CCDC50: variants seen among roughly 807,000 people sequenced by gnomAD.
CCDC50 encodes coiled-coil domain-containing protein 50.
In CCDC50, 54 loss-of-function variants were observed where a neutral mutation model predicts 70.2. That is an observed-to-expected ratio of 0.77 (90% CI 0.62 to 0.96). The LOEUF (loss-of-function observed/expected upper bound fraction) is 0.96. Ranked by LOEUF, CCDC50 falls within the 50% of genes least tolerant of loss-of-function variation. CCDC50 has a pLI of 0.00. For synonymous variants in CCDC50, 216 were observed against 198.8 expected, an observed-to-expected ratio of 1.09 and a Z score of -0.73; for missense variants, 558 against 578.7, an observed-to-expected ratio of 0.96 and a Z score of 0.37.
At chr3:191,369,154 T>G (rs975608337) in intron 4 of CCDC50, among the ~76,000 whole-genome samples, 2 of 152,182 alleles carry the variant, frequency 1.3e-5, no homozygotes, top group Admixed American at 1.3e-4. Context: ...CCTGTCGGAA[T>G]TCAGTTCTTT....
chr3:191,369,885 A>G (rs766502316), intron 4 of CCDC50, 34 bp from the exon 5 acceptor site: 18 of 1,457,990 alleles, frequency 1.2e-5, no homozygotes, highest in East Asian at 2.3e-5. Context: ...GTTCTTTGGT[A>G]ATGTGTATTT....
rs527892440 is a variant in CCDC50, at chr3:191,335,252, A to G, written c.49+5529A>G. Among the ~76,000 whole-genome samples the G allele has an allele frequency of 3.9e-5, 6 of 152,340 alleles. No homozygotes were observed. In the South Asian group the frequency reaches 1.0e-3, roughly 26 times the overall value. On this transcript the variant is annotated intron_variant, in intron 1 of 11. Coordinates refer to ENST00000392455, the MANE Select transcript of CCDC50 (RefSeq NM_178335.3). Reference sequence around the variant, plus strand: ...TCCCAGTTCTCCAAGGTACAGAAGCATATTTAGAAGTGAATTGCTTTGATC... The same window carrying G: ...TCCCAGTTCTCCAAGGTACAGAAGCGTATTTAGAAGTGAATTGCTTTGATC...
intron 1 of CCDC50, among the ~76,000 whole-genome samples, chr3:191,346,464 C>T (rs1389283950): frequency 6.6e-6 from 1 of 152,014 alleles, no homozygotes; most frequent in East Asian, 1.9e-4. Flanking sequence ...TCAGGGTATC[C>T]TATAGGGAGG....
intron 1 of CCDC50, among the ~76,000 whole-genome samples, chr3:191,334,550 G>A (rs1718082755): frequency 6.6e-6 from 1 of 152,152 alleles, no homozygotes; most frequent in African/African-American, 2.4e-5. Context: ...GGGAGGGCAA[G>A]TGAGTTGTAT....
chr3:191,364,536 C>T (rs925138218), intron 4 of CCDC50, among the ~76,000 whole-genome samples: 1 of 151,912 alleles, frequency 6.6e-6, no homozygotes, highest in Non-Finnish European at 1.5e-5. Flanking sequence ...TAGTTACCAC[C>T]CCATAAAATA....
At chr3:191,366,763 T>G (rs1712706829) in intron 4 of CCDC50, among the ~76,000 whole-genome samples, 2 of 152,102 alleles carry the variant, frequency 1.3e-5, no homozygotes, top group Non-Finnish European at 2.9e-5. Flanking sequence ...AAGGTGTGTT[T>G]TTTTTGGATA....
intron 1 of CCDC50, among the ~76,000 whole-genome samples, chr3:191,341,573 A>G (rs1446619824): frequency 6.6e-6 from 1 of 152,102 alleles, no homozygotes; most frequent in Non-Finnish European, 1.5e-5. Context: ...CATCCTCCTC[A>G]CTGGAGTCTC....
At chr3:191,346,481 A>T (rs954011696) in intron 1 of CCDC50, among the ~76,000 whole-genome samples, 2 of 152,220 alleles carry the variant, frequency 1.3e-5, no homozygotes, top group Non-Finnish European at 2.9e-5. Flanking sequence ...GAGGCATAAG[A>T]TCAGCCCTAG....
chr3:191,347,942 A>C (rs1305822408), intron 1 of CCDC50, among the ~76,000 whole-genome samples: 1 of 142,376 alleles, frequency 7.0e-6, no homozygotes, highest in Admixed American at 7.2e-5. Flanking sequence ...TTTGAAAGTC[A>C]CTATCCTGGG....
chr3:191,345,047 T>C (rs974986958), intron 1 of CCDC50, among the ~76,000 whole-genome samples: 2 of 152,158 alleles, frequency 1.3e-5, no homozygotes, highest in African/African-American at 2.4e-5. Flanking sequence ...AGGAATCAAT[T>C]TGATGGGCAC....
At chr3:191,338,432 G>T (rs1265117447) in intron 1 of CCDC50, among the ~76,000 whole-genome samples, 8 of 152,204 alleles carry the variant, frequency 5.3e-5, no homozygotes, top group Non-Finnish European at 1.0e-4. Context: ...CTTCCCATCT[G>T]TACATCTGGA....
intron 1 of CCDC50, among the ~76,000 whole-genome samples, chr3:191,349,235 T>C (rs1296825414): frequency 7.0e-6 from 1 of 142,486 alleles, no homozygotes; most frequent in Non-Finnish European, 1.6e-5. Context: ...CTGAATCCCA[T>C]TTCTCTTTTA....
intron 1 of CCDC50, among the ~76,000 whole-genome samples, chr3:191,343,934 G>T (rs926567321): frequency 1.3e-5 from 2 of 152,330 alleles, no homozygotes; most frequent in South Asian, 2.1e-4. Context: ...CTGCACAGTG[G>T]TTGCTAGATA....
intron 1 of CCDC50, among the ~76,000 whole-genome samples, chr3:191,350,074 T>C (rs448643): frequency 0.52 from 70,694 of 135,320 alleles, 25,290 homozygotes; most frequent in East Asian, 0.92. Context: ...GGTAGTCTTA[T>C]TCAAGCCGTT....
chr3:191,357,737 A>G (rs1435033054), intron 2 of CCDC50, among the ~76,000 whole-genome samples: 1 of 152,202 alleles, frequency 6.6e-6, no homozygotes, highest in African/African-American at 2.4e-5. Context: ...GCTTTAGAAT[A>G]TTTGTGTAGA....
At chr3:191,368,417 G>A (rs1712777787) in intron 4 of CCDC50, among the ~76,000 whole-genome samples, 1 of 152,006 alleles carries the variant, frequency 6.6e-6, no homozygotes, top group Non-Finnish European at 1.5e-5. Context: ...TCAGTTAAAA[G>A]TGTATTAATG....
At chr3:191,368,306 C>T (rs1243140821) in intron 4 of CCDC50, among the ~76,000 whole-genome samples, 2 of 151,978 alleles carry the variant, frequency 1.3e-5, no homozygotes, top group Non-Finnish European at 2.9e-5. Flanking sequence ...TTTTACCTCT[C>T]CCTCTGAGTT....
chr3:191,353,363 C>T (rs1712165379), intron 1 of CCDC50, among the ~76,000 whole-genome samples: 1 of 141,374 alleles, frequency 7.1e-6, no homozygotes, highest in Admixed American at 7.2e-5. Flanking sequence ...AGCCTGAGTT[C>T]TGAATGAGTG....
chr3:191,375,124 C>T lies in CCDC50; in HGVS notation c.511C>T (p.Gln171Ter). ...TGGATTCTCAAGACCTTGTAGACTCCAAAGAGATGGAAAGACTGTGAAGCA... is the reference window on the plus strand; with the variant it reads ...TGGATTCTCAAGACCTTGTAGACTCTAAAGAGATGGAAAGACTGTGAAGCA... Reference protein sequence around the residue: ...GSGFSRPCRLQRDGKTVKHKK... With the variant: ...GSGFSRPCRL Residue 171 changes from glutamine (Q) to a stop codon, truncating the protein, a stop_gained, in exon 6 of 12, where the codon CAA (glutamine) becomes TAA (stop). Coordinates refer to ENST00000392455, the MANE Select transcript of CCDC50 (RefSeq NM_178335.3). LOFTEE classifies it high-confidence loss of function. 6.2e-7 allele frequency: 1 copy of T among 1,613,590 alleles called. No homozygotes were observed. Among genetic ancestry groups the T allele is most frequent in the Non-Finnish European group, 8.5e-7 (1 of 1,179,712 alleles).
Sources: gnomAD v4.1 joint callset for allele counts (sites outside exome capture counted in the v4.1 genomes callset) on GRCh38, gnomAD v4.1.1 for gene constraint, MANE v1.5 for transcripts, NCBI Gene and HGNC (gene_info 2026-07-23, HGNC 2026-07-21) for gene names.